Variants in EXT2 observed in about 807,000 individuals in gnomAD.
EXT2 encodes exostosin-2.
EXT2 carries 53 observed loss-of-function variants against 81.6 expected under a neutral mutation model. That is an observed-to-expected ratio of 0.65 (90% confidence interval 0.52 to 0.82). The LOEUF (loss-of-function observed/expected upper bound fraction) is 0.82. Among genes scored for constraint, EXT2 ranks in the 40% least tolerant of loss-of-function variants. The probability of loss-of-function intolerance (pLI) is 0.00; values close to 1 mark genes in which losing one functional copy is unlikely to be tolerated. For synonymous variants in EXT2, 320 were observed against 340.0 expected (o/e 0.94, Z 0.65); for missense variants, 774 against 910.2 (o/e 0.85, Z 1.93).
Position 44,232,339 on chromosome 11 carries a change from G to A in EXT2, c.1663-14G>A, listed in dbSNP as rs1353389612. 4 of 1,613,620 alleles carry A rather than the reference G, an allele frequency of 2.5e-6. No individual in the cohort carries two copies. The highest frequency in any genetic ancestry group is 1.7e-5 in the Admixed American group (1 of 60,020). On this transcript the variant is annotated splice_polypyrimidine_tract_variant and intron_variant, in intron 10 of 13. Transcript: ENST00000533608. ...TGAATTGGGACTTGATTGTTATTATGTGTCTGTCCTTAGGTCTGGCGGGAA... is the reference window on the plus strand; with the variant it reads ...TGAATTGGGACTTGATTGTTATTATATGTCTGTCCTTAGGTCTGGCGGGAA...
chr11:44,123,460 T>A (rs984928302), intron 4 of EXT2, among the ~76,000 whole-genome samples: 11 of 152,226 alleles, frequency 7.2e-5, no homozygotes, highest in South Asian at 2.1e-4. Flanking sequence ...CATTTCTTCC[T>A]GGAACATGCT....
At position 44,236,302 on chromosome 11, in the gene EXT2, C is replaced by T. The variant is rs765648513; in HGVS notation, c.1945C>T (p.Arg649Ter). Residue 649 changes from arginine (R) to a stop codon, truncating the protein, a stop_gained, in exon 13 of 14, where the codon CGA (arginine) becomes TGA (stop). Transcript: ENST00000533608. LOFTEE classifies it high-confidence loss of function. ...TGTCCTCCTCTGGCAGGTAACCCCACGAAAGAAATTCAAGTGTCCTGAGTG... is the reference window on the plus strand; with the variant it reads ...TGTCCTCCTCTGGCAGGTAACCCCATGAAAGAAATTCAAGTGTCCTGAGTG... The part of the protein sequence containing the change: ...TGKAVIKVTP[R>*]KKFKCPECTA... 5.8e-5 allele frequency: 93 copies of T among 1,613,942 alleles called. No homozygotes were observed. The highest frequency in any genetic ancestry group is 6.9e-5 in the Non-Finnish European group (81 of 1,179,990).
chr11:44,244,176 A>C lies in EXT2; in HGVS notation c.2046A>C (p.Ser682=). 6.2e-7 allele frequency: 1 copy of C among 1,614,132 alleles called. No individual in the cohort carries two copies. Among genetic ancestry groups the C allele is most frequent in the Non-Finnish European group, 8.5e-7 (1 of 1,179,990 alleles). ...CAGAGTGCATCAACAAGTTTGCTTC[A>C]GTCTTCGGGACCATGCCTCTCAAGG... ...ERSECINKFA[S]VFGTMPLKVV... The change falls in exon 14 of 14, where the codon TCA becomes TCC. Residue 682 remains serine, a synonymous_variant. Coordinates refer to ENST00000533608, the MANE Select transcript of EXT2 (RefSeq NM_207122.2).
At chr11:44,117,134 T>C (rs541155841) in intron 4 of EXT2, among the ~76,000 whole-genome samples, 3 of 152,182 alleles carry the variant, frequency 2.0e-5, no homozygotes, top group African/African-American at 7.2e-5. Flanking sequence ...CACGCCCAGC[T>C]AATTTTGTAT....
At chr11:44,162,335 G>C (rs1252800232) in intron 7 of EXT2, among the ~76,000 whole-genome samples, 1 of 152,114 alleles carries the variant, frequency 6.6e-6, no homozygotes, top group Non-Finnish European at 1.5e-5. Flanking sequence ...CAGGACTTTG[G>C]GGGGCCGAGG....
intron 9 of EXT2, among the ~76,000 whole-genome samples, chr11:44,204,919 G>A (rs1002900833): frequency 6.6e-6 from 1 of 152,044 alleles, no homozygotes; most frequent in Non-Finnish European, 1.5e-5. Context: ...TGTATGACAG[G>A]GATTTTATTT....
chr11:44,234,306 G>C, intron 12 of EXT2, 63 bp downstream of exon 12: 1 of 1,511,794 alleles, frequency 6.6e-7, no homozygotes, highest in Admixed American at 1.8e-5. Flanking sequence ...TCTGAGCCTA[G>C]GAAGTTCTTG....
Position 44,245,233 on chromosome 11 carries a change from C to G in EXT2, c.*946C>G, listed in dbSNP as rs1956083489. ...TCTGTACTAGCCATGCAAGGAGTCG[C>G]TCTAGCTGGTACCCGTAAAAGTTGT... is the stretch of plus-strand genomic sequence containing the variant. On this transcript the variant is annotated 3_prime_UTR_variant, in exon 14 of 14. Transcript: ENST00000533608. 4.4e-6 allele frequency: 1 copy of G among 227,798 alleles called. No individual in the cohort carries two copies. The highest frequency in any genetic ancestry group is 8.7e-6 in the Non-Finnish European group (1 of 114,334). 14.1% of individuals were successfully genotyped at this position (227,798 alleles called of 1,614,324 possible).
intron 9 of EXT2, among the ~76,000 whole-genome samples, chr11:44,202,344 A>G (rs903158302): frequency 2.6e-5 from 4 of 152,232 alleles, no homozygotes; most frequent in Non-Finnish European, 5.9e-5. Flanking sequence ...GTAAGTCCAG[A>G]TTCCATCCAG....
In EXT2 at chr11:44,171,705, C is replaced by T. The variant is rs558809327; in HGVS notation, c.1268C>T (p.Ala423Val). ...IINDRIYPYA[A>V]ISYEEWNDPP... ...AATGACCGGATCTATCCATATGCTG[C>T]CATCTCCTATGAAGAATGGAATGAC... Residue 423 changes from alanine (A) to valine (V), a missense_variant, in exon 8 of 14, where the codon GCC becomes GTC. Around this residue, in one of 2 missense-constraint regions of EXT2, gnomAD observed 626 missense variants for 670.5 expected, o/e 0.93. Coordinates refer to ENST00000533608, the MANE Select transcript of EXT2 (RefSeq NM_207122.2). 3 of 1,614,064 alleles carry T rather than the reference C, an allele frequency of 1.9e-6. No individual in the cohort carries two copies. In the South Asian group the frequency reaches 3.3e-5, roughly 18 times the overall value.
intron 8 of EXT2, among the ~76,000 whole-genome samples, chr11:44,174,992 C>T (rs976490029): frequency 3.3e-5 from 5 of 152,170 alleles, no homozygotes; most frequent in African/African-American, 1.2e-4. Flanking sequence ...GTGTATCTTA[C>T]ATAAGGCATT....
At chr11:44,194,656 C>T (rs569199192) in intron 8 of EXT2, among the ~76,000 whole-genome samples, 12 of 152,162 alleles carry the variant, frequency 7.9e-5, no homozygotes, top group African/African-American at 2.6e-4. Flanking sequence ...GAACAATAAC[C>T]GTATCTATCT....
At chr11:44,100,400 T>C (rs1953964583) in intron 1 of EXT2, among the ~76,000 whole-genome samples, 5 of 152,210 alleles carry the variant, frequency 3.3e-5, no homozygotes, top group Admixed American at 3.3e-4. Flanking sequence ...CCCCTGGTAC[T>C]CTCTAACATC....
At chr11:44,233,727 G>GT (rs1464515228) in intron 11 of EXT2, among the ~76,000 whole-genome samples, 2 of 151,972 alleles carry the variant, frequency 1.3e-5, no homozygotes, top group Non-Finnish European at 2.9e-5. Flanking sequence ...CCAGAAATGG[G>GT]TTTTTTTATT....
intron 7 of EXT2, among the ~76,000 whole-genome samples, chr11:44,157,576 G>A (rs1044507485): frequency 1.3e-5 from 2 of 152,204 alleles, no homozygotes; most frequent in Non-Finnish European, 2.9e-5. Flanking sequence ...GGGCTCTTCA[G>A]TCGGCTTGTG....
chr11:44,222,938 A>G (rs928047145), intron 10 of EXT2, among the ~76,000 whole-genome samples: 1 of 152,258 alleles, frequency 6.6e-6, no homozygotes, highest in Non-Finnish European at 1.5e-5. Flanking sequence ...AAACTCAACA[A>G]TGAAAAAACA....
rs564417974 is a variant in EXT2 at position 44,156,764 on chromosome 11, G to A, written c.1174-14847G>A. ...TTGGCTAGGTCATGTTTTCCTGAAT[G>A]TTCTTGATGCTTGTGGATGTTTGTC... On this transcript the variant is annotated intron_variant, in intron 7 of 13. Transcript: ENST00000533608. 2.0e-5 allele frequency among the ~76,000 whole-genome samples: 3 copies of A among 152,298 alleles called. No individual in the cohort carries two copies. In the East Asian group the frequency reaches 5.8e-4, roughly 29 times the overall value.
intron 8 of EXT2, among the ~76,000 whole-genome samples, chr11:44,179,100 T>G (rs1955198882): frequency 6.6e-6 from 1 of 151,998 alleles, no homozygotes; most frequent in Non-Finnish European, 1.5e-5. Context: ...AGCAAAGAAC[T>G]TGGCCAATTC....
intron 10 of EXT2, among the ~76,000 whole-genome samples, chr11:44,218,834 G>T (rs867221547): frequency 1.0e-4 from 11 of 106,830 alleles, no homozygotes; most frequent in Middle Eastern, 0.013. Context: ...GTCTCACTCT[G>T]TTGTCCAGGC....
Sources: allele counts gnomAD v4.1 joint callset (sites outside exome capture counted in the v4.1 genomes callset), GRCh38; gene constraint gnomAD v4.1.1; regional missense constraint gnomAD v4.1.1; transcripts MANE v1.5; gene names NCBI Gene and HGNC (gene_info 2026-07-23, HGNC 2026-07-21).